Variants in PACSIN2 observed in about 807,000 individuals in gnomAD.
PACSIN2 encodes protein kinase C and casein kinase substrate in neurons 2, also known as protein kinase C and casein kinase substrate in neurons protein 2.
PACSIN2 carries 25 observed loss-of-function variants against 63.8 expected under a neutral mutation model. The ratio of observed to expected loss-of-function variants is 0.39; its 90% CI spans 0.29 to 0.55. The LOEUF (loss-of-function observed/expected upper bound fraction) is 0.55. PACSIN2 is among the 20% of genes least tolerant of loss of function. The pLI, the probability that PACSIN2 is intolerant of heterozygous loss-of-function variation, is 0.62. For missense variants in PACSIN2, 518 were observed against 646.9 expected, an observed-to-expected ratio of 0.80 and a Z score of 2.16; for synonymous variants, 255 against 256.2, an observed-to-expected ratio of 1.00 and a Z score of 0.05.
At chr22:42,895,246 T>C (rs1438544362) in intron 2 of PACSIN2, among the ~76,000 whole-genome samples, 1 of 152,174 alleles carries the variant, frequency 6.6e-6, no homozygotes, top group East Asian at 1.9e-4. Context: ...GAAGTGACAT[T>C]ATGTGGTTGC....
At chr22:42,951,340 C>T (rs112675206) in intron 1 of PACSIN2, among the ~76,000 whole-genome samples, 25 of 152,244 alleles carry the variant, frequency 1.6e-4, no homozygotes, top group African/African-American at 5.3e-4. Context: ...TGTGCACACC[C>T]GTGGTGCCCA....
intron 1 of PACSIN2, among the ~76,000 whole-genome samples, chr22:42,917,989 C>G (rs1367085052): frequency 6.6e-6 from 1 of 152,276 alleles, no homozygotes; most frequent in East Asian, 1.9e-4. Flanking sequence ...CCCAGGGCAA[C>G]TGTATTTAAA....
chr22:42,979,261 T>C (rs1246470306), intron 1 of PACSIN2, among the ~76,000 whole-genome samples: 1 of 152,158 alleles, frequency 6.6e-6, no homozygotes, highest in Non-Finnish European at 1.5e-5. Context: ...CGGTGGCTCA[T>C]GCCTGCAATC....
chr22:43,005,107 T>G lies in PACSIN2; in HGVS notation c.-78+9914A>C, dbSNP rs192265438. Reference sequence around the variant, plus strand: ...ACTGTGTGGAAAACAAGGAGAAACTTCCTATAATTCTAAAGCCTTAACTAT... The same window carrying G: ...ACTGTGTGGAAAACAAGGAGAAACTGCCTATAATTCTAAAGCCTTAACTAT... On this transcript the variant is annotated intron_variant, in intron 1 of 10. Coordinates refer to ENST00000263246, the MANE Select transcript of PACSIN2 (RefSeq NM_001184970.3). Among the ~76,000 whole-genome samples the G allele has an allele frequency of 2.0e-5, 3 of 152,334 alleles. No individual in the cohort carries two copies. The East Asian group carries it at 5.8e-4, about 29-fold the overall frequency.
At chr22:42,992,405 C>T (rs1923103125) in intron 1 of PACSIN2, among the ~76,000 whole-genome samples, 1 of 152,160 alleles carries the variant, frequency 6.6e-6, no homozygotes, top group Admixed American at 6.5e-5. Flanking sequence ...CCACCTAAAC[C>T]ACCAAAGCAC....
At chr22:42,914,825 T>A (rs1931706358) in intron 1 of PACSIN2, among the ~76,000 whole-genome samples, 1 of 152,124 alleles carries the variant, frequency 6.6e-6, no homozygotes, top group Non-Finnish European at 1.5e-5. Flanking sequence ...GCAGCTGTGG[T>A]CTTGACACAG....
intron 1 of PACSIN2, among the ~76,000 whole-genome samples, chr22:42,969,356 A>C (rs1921069772): frequency 6.6e-6 from 1 of 152,142 alleles, no homozygotes; most frequent in South Asian, 2.1e-4. Context: ...TTTCAATTGG[A>C]ATTCTTTTCT....
chr22:42,992,108 T>C (rs1170653857), intron 1 of PACSIN2, among the ~76,000 whole-genome samples: 2 of 152,224 alleles, frequency 1.3e-5, no homozygotes, highest in Non-Finnish European at 2.9e-5. Flanking sequence ...TCAAATTATG[T>C]AATTGATCAA....
intron 1 of PACSIN2, among the ~76,000 whole-genome samples, chr22:42,972,067 G>C (rs1921362491): frequency 6.6e-6 from 1 of 152,218 alleles, no homozygotes; most frequent in East Asian, 1.9e-4. Context: ...TCCAATGGGG[G>C]GGGGAAATGT....
chr22:42,930,221 G>A (rs1188933062), intron 1 of PACSIN2, among the ~76,000 whole-genome samples: 1 of 152,186 alleles, frequency 6.6e-6, no homozygotes, highest in East Asian at 1.9e-4. Context: ...GCAGATGAGA[G>A]GAATAAACTT....
chr22:42,927,127 T>C (rs1307147657), intron 1 of PACSIN2, among the ~76,000 whole-genome samples: 2 of 152,200 alleles, frequency 1.3e-5, no homozygotes, highest in Non-Finnish European at 2.9e-5. Flanking sequence ...CATTTAGCCC[T>C]TGCTTCTCCC....
intron 1 of PACSIN2, among the ~76,000 whole-genome samples, chr22:42,950,233 C>T (rs919866905): frequency 1.3e-5 from 2 of 151,928 alleles, no homozygotes; most frequent in Admixed American, 1.3e-4. Flanking sequence ...TTAAAGAATA[C>T]TGAAGAGTAT....
intron 1 of PACSIN2, among the ~76,000 whole-genome samples, chr22:42,972,031 G>A (rs1032777767): frequency 1.2e-4 from 19 of 152,180 alleles, no homozygotes; most frequent in African/African-American, 4.1e-4. Flanking sequence ...CATTGAGAAC[G>A]GGCCATGATG....
At chr22:42,949,820 GTTTAA>G (rs1177698623) in intron 1 of PACSIN2, among the ~76,000 whole-genome samples, 2 of 152,152 alleles carry the variant, frequency 1.3e-5, no homozygotes, top group Non-Finnish European at 2.9e-5. Flanking sequence ...TCAATAAAAT[GTTTAA>G]TTTATTCTAA....
At chr22:42,928,634 C>T (rs1220596308) in intron 1 of PACSIN2, among the ~76,000 whole-genome samples, 2 of 152,180 alleles carry the variant, frequency 1.3e-5, no homozygotes, top group Non-Finnish European at 2.9e-5. Context: ...CAATGAAGTA[C>T]ACCCCAAAAT....
intron 1 of PACSIN2, among the ~76,000 whole-genome samples, chr22:42,979,792 T>C (rs1263896924): frequency 1.3e-5 from 2 of 152,174 alleles, no homozygotes; most frequent in East Asian, 3.9e-4. Flanking sequence ...CCTAAGTTAT[T>C]AATGGATTAA....
chr22:42,962,640 C>T (rs913457164), intron 1 of PACSIN2, among the ~76,000 whole-genome samples: 2 of 151,958 alleles, frequency 1.3e-5, no homozygotes, highest in Non-Finnish European at 2.9e-5. Context: ...GAAGGCCAGC[C>T]CAGCAGCCAT....
At chr22:42,936,763 T>A (rs915440137) in intron 1 of PACSIN2, among the ~76,000 whole-genome samples, 6 of 151,634 alleles carry the variant, frequency 4.0e-5, no homozygotes, top group African/African-American at 1.2e-4. Flanking sequence ...ATACAAAAAT[T>A]AGCCAGGTGT....
chr22:42,897,333 G>T (rs1930361327), intron 2 of PACSIN2, among the ~76,000 whole-genome samples: 1 of 152,094 alleles, frequency 6.6e-6, no homozygotes, highest in Non-Finnish European at 1.5e-5. Context: ...TTGACAAATC[G>T]ATCATACATT....
Sources: allele counts gnomAD v4.1 joint callset (sites outside exome capture counted in the v4.1 genomes callset), GRCh38; gene constraint gnomAD v4.1.1; transcripts MANE v1.5; gene names NCBI Gene and HGNC (gene_info 2026-07-23, HGNC 2026-07-21).